Variants in FAM174A observed in about 807,000 individuals in gnomAD.
FAM174A encodes family with sequence similarity 174 member A.
FAM174A carries 14 observed loss-of-function variants against 14.3 expected under a neutral mutation model. The observed-to-expected ratio is 0.98, with a 90% CI of 0.65 to 1.53. The LOEUF (loss-of-function observed/expected upper bound fraction) is 1.53, where lower values mean the gene tolerates loss of function less well. Ranked by LOEUF, FAM174A falls within the 40% of genes most tolerant of loss-of-function variation. The pLI, the probability that FAM174A is intolerant of heterozygous loss-of-function variation, is 0.00. For synonymous variants in FAM174A, 108 were observed against 111.4 expected (o/e 0.97, Z 0.19); for missense variants, 241 against 249.6 (o/e 0.97, Z 0.23).
intron 1 of FAM174A, among the ~76,000 whole-genome samples, chr5:100,553,128 G>A (rs1746297955): frequency 6.6e-6 from 1 of 152,014 alleles, no homozygotes; most frequent in Admixed American, 6.6e-5. Context: ...TGAGTGTCAT[G>A]AGCCTAATGA....
intron 1 of FAM174A, among the ~76,000 whole-genome samples, chr5:100,556,208 C>T (rs1746377053): frequency 6.6e-6 from 1 of 152,068 alleles, no homozygotes; most frequent in African/African-American, 2.4e-5. Context: ...GATCCTTTCC[C>T]CATTTCTTGT....
intron 1 of FAM174A, among the ~76,000 whole-genome samples, chr5:100,546,547 C>A (rs557516528): frequency 3.3e-5 from 5 of 152,234 alleles, no homozygotes; most frequent in African/African-American, 1.2e-4. Flanking sequence ...TCAGTGAGTT[C>A]TTGAAGTAAT....
intron 1 of FAM174A, among the ~76,000 whole-genome samples, chr5:100,551,920 C>G (rs1327799330): frequency 6.6e-6 from 1 of 152,138 alleles, no homozygotes; most frequent in African/African-American, 2.4e-5. Flanking sequence ...AACTTGATTA[C>G]CTCTATAAAG....
intron 2 of FAM174A, among the ~76,000 whole-genome samples, chr5:100,580,749 A>C (rs1443621548): frequency 6.6e-6 from 1 of 152,092 alleles, no homozygotes; most frequent in Non-Finnish European, 1.5e-5. Flanking sequence ...TAACCATCAC[A>C]CTTGCAGTCT....
At chr5:100,579,585 C>T (rs547984038) in intron 2 of FAM174A, among the ~76,000 whole-genome samples, 31 of 152,206 alleles carry the variant, frequency 2.0e-4, no homozygotes, top group African/African-American at 5.8e-4. Context: ...CCGCCACACC[C>T]AGCTAATTTT....
At chr5:100,566,799 T>C (rs1173797808) in intron 2 of FAM174A, among the ~76,000 whole-genome samples, 1 of 151,892 alleles carries the variant, frequency 6.6e-6, no homozygotes. Context: ...ACAGTTGTAA[T>C]CTATGCTAAT....
intron 2 of FAM174A, among the ~76,000 whole-genome samples, chr5:100,579,520 G>A (rs1746967664): frequency 6.6e-6 from 1 of 152,050 alleles, no homozygotes; most frequent in Non-Finnish European, 1.5e-5. Context: ...CCGCTTCCAG[G>A]TTCAAGCAAT....
intron 2 of FAM174A, among the ~76,000 whole-genome samples, chr5:100,579,251 A>G (rs1746959537): frequency 6.6e-6 from 1 of 152,148 alleles, no homozygotes; most frequent in African/African-American, 2.4e-5. Flanking sequence ...GGATGTAAAT[A>G]TCATCCTGAT....
intron 1 of FAM174A, among the ~76,000 whole-genome samples, chr5:100,550,861 T>C (rs982735209): frequency 6.6e-6 from 1 of 152,084 alleles, no homozygotes; most frequent in African/African-American, 2.4e-5. Flanking sequence ...ATGGCCATCA[T>C]GAGGAACTGA....
In FAM174A at chr5:100,535,429, T is replaced by C; in HGVS notation, c.-102T>C. On this transcript the variant is annotated 5_prime_UTR_variant, in exon 1 of 3. Coordinates refer to ENST00000312637, the MANE Select transcript of FAM174A (RefSeq NM_198507.3). ...CCACGACCGGGCCTCTCCCTGGCGTTTGGTCACCTCTGCTTCATTCTCCAC... is the reference window on the plus strand; with the variant it reads ...CCACGACCGGGCCTCTCCCTGGCGTCTGGTCACCTCTGCTTCATTCTCCAC... 7.8e-7 allele frequency: 1 copy of C among 1,281,298 alleles called. No homozygotes were observed. The highest frequency in any genetic ancestry group is 1.1e-6 in the Non-Finnish European group (1 of 916,116). 79.4% of individuals were successfully genotyped at this position (1,281,298 alleles called of 1,614,324 possible). A position where few individuals can be genotyped will look rare whatever the true frequency, so the allele number is the denominator to read the frequency against.
At chr5:100,575,246 T>A (rs983881463) in intron 2 of FAM174A, among the ~76,000 whole-genome samples, 3 of 150,890 alleles carry the variant, frequency 2.0e-5, no homozygotes, top group Non-Finnish European at 3.0e-5. Flanking sequence ...AGTATAACTT[T>A]TATATATATA....
At chr5:100,570,382 C>T (rs770161072) in intron 2 of FAM174A, among the ~76,000 whole-genome samples, 17 of 151,940 alleles carry the variant, frequency 1.1e-4, no homozygotes, top group Non-Finnish European at 1.5e-4. Flanking sequence ...ATTAAACATG[C>T]ATTACACTAT....
chr5:100,581,510 T>G (rs1320210841), intron 2 of FAM174A: 2 of 399,140 alleles, frequency 5.0e-6, no homozygotes, highest in Non-Finnish European at 6.8e-6. Flanking sequence ...CCCAACACTT[T>G]GGGAGGCCAA....
rs200948075 is a variant in FAM174A, at chr5:100,535,980, G to A, written c.434+16G>A. ...GGACGGTCAGGTGAGGCAAAGCCTCGGTGGGGCACCCCCGTGGGCCTGAGA... is the reference window on the plus strand; with the variant it reads ...GGACGGTCAGGTGAGGCAAAGCCTCAGTGGGGCACCCCCGTGGGCCTGAGA... On this transcript the variant is annotated intron_variant, in intron 1 of 2. Coordinates refer to ENST00000312637, the MANE Select transcript of FAM174A (RefSeq NM_198507.3). 1.3e-6 allele frequency: 2 copies of A among 1,548,984 alleles called. No individual in the cohort carries two copies. Among genetic ancestry groups the A allele is most frequent in the East Asian group, 2.3e-5 (1 of 43,588 alleles).
At position 100,585,242 on chromosome 5, in the gene FAM174A, A is replaced by G. The variant is rs142555277; in HGVS notation, c.570-939A>G. On this transcript the variant is annotated intron_variant, in intron 2 of 2. Transcript: ENST00000312637. Reference sequence around the variant, plus strand: ...ATACTACATCTTTATATTTACTTACATATCTCTCGACTGCAAATAGCACCA... The same window carrying G: ...ATACTACATCTTTATATTTACTTACGTATCTCTCGACTGCAAATAGCACCA... Among the ~76,000 whole-genome samples, 14 of 152,298 alleles carry G rather than the reference A, an allele frequency of 9.2e-5. No individual in the cohort carries two copies. The East Asian group carries it at 2.3e-3, about 25-fold the overall frequency.
intron 1 of FAM174A, among the ~76,000 whole-genome samples, chr5:100,547,374 G>A (rs903371090): frequency 1.3e-5 from 2 of 151,956 alleles, no homozygotes; most frequent in African/African-American, 2.4e-5. Flanking sequence ...CTAACTAAAA[G>A]CAACAATGCA....
At chr5:100,538,634 C>T (rs931005691) in intron 1 of FAM174A, among the ~76,000 whole-genome samples, 1 of 152,018 alleles carries the variant, frequency 6.6e-6, no homozygotes, top group African/African-American at 2.4e-5. Context: ...TCCCCTATAT[C>T]CTCAGTGCTA....
chr5:100,556,062 T>A (rs1302304433), intron 1 of FAM174A, among the ~76,000 whole-genome samples: 1 of 152,218 alleles, frequency 6.6e-6, no homozygotes, highest in East Asian at 1.9e-4. Context: ...CTTCTAGGGT[T>A]TTTATGGTTT....
chr5:100,572,961 G>A (rs911255129), intron 2 of FAM174A, among the ~76,000 whole-genome samples: 1 of 152,118 alleles, frequency 6.6e-6, no homozygotes, highest in Non-Finnish European at 1.5e-5. Context: ...GTGTGAGCTG[G>A]TATCTCATTG....
Sources: gnomAD v4.1 joint callset for allele counts (sites outside exome capture counted in the v4.1 genomes callset) on GRCh38, gnomAD v4.1.1 for gene constraint, MANE v1.5 for transcripts, NCBI Gene and HGNC (gene_info 2026-07-23, HGNC 2026-07-21) for gene names.